The following TBC1D12 variants were observed in gnomAD, a reference collection of about 807,000 sequenced individuals.
TBC1D12 encodes the protein TBC1 domain family member 12.
A neutral mutation model predicts 86.7 loss-of-function variants in TBC1D12; 56 were observed. The ratio of observed to expected loss-of-function variants is 0.65; its 90% CI spans 0.52 to 0.81. The LOEUF (loss-of-function observed/expected upper bound fraction) is 0.81, where lower values mean the gene tolerates loss of function less well. Among genes scored for constraint, TBC1D12 ranks in the 30% least tolerant of loss-of-function variants. TBC1D12 has a pLI of 0.00. For synonymous variants in TBC1D12, 421 were observed against 411.7 expected (o/e 1.02, Z -0.27); for missense variants, 1,023 against 1,038.8 (o/e 0.98, Z 0.21).
chr10:94,522,742 C>T (rs1393450913), intron 11 of TBC1D12, among the ~76,000 whole-genome samples: 1 of 151,942 alleles, frequency 6.6e-6, no homozygotes, highest in African/African-American at 2.4e-5. Flanking sequence ...GGCGAAACCC[C>T]GTCTCTACTA....
At chr10:94,530,673 A>G (rs896084908) in intron 11 of TBC1D12, among the ~76,000 whole-genome samples, 1 of 152,106 alleles carries the variant, frequency 6.6e-6, no homozygotes, top group Non-Finnish European at 1.5e-5. Context: ...AACACAACTA[A>G]TAAGTGGCAA....
chr10:94,453,339 C>G lies in TBC1D12; in HGVS notation c.1095+11320C>G, dbSNP rs145074803. ...TTGGTTATCCATGGTCAGCTGCAGTCTGAAAATATTAAAATAAAAATAAAA... is the reference window on the plus strand; with the variant it reads ...TTGGTTATCCATGGTCAGCTGCAGTGTGAAAATATTAAAATAAAAATAAAA... On this transcript the variant is annotated intron_variant, in intron 2 of 12. Transcript: ENST00000225235. Among the ~76,000 whole-genome samples, 127 of 151,912 alleles carry G rather than the reference C, an allele frequency of 8.4e-4. 1 individual carries two copies. The East Asian group carries it at 0.024, about 28-fold the overall frequency.
At chr10:94,497,211 C>A in intron 5 of TBC1D12, 39 bp downstream of exon 5, 2 of 1,199,188 alleles carry the variant, frequency 1.7e-6, no homozygotes, top group Non-Finnish European at 2.3e-6. Context: ...CATTTGTCTC[C>A]GAAGATCTCA....
chr10:94,423,979 G>A (rs2055113930), intron 1 of TBC1D12, among the ~76,000 whole-genome samples: 1 of 152,108 alleles, frequency 6.6e-6, no homozygotes, highest in Non-Finnish European at 1.5e-5. Flanking sequence ...TACTGAACAT[G>A]AACAGACTTT....
chr10:94,478,399 C>T (rs1330501711), intron 3 of TBC1D12, among the ~76,000 whole-genome samples: 2 of 151,996 alleles, frequency 1.3e-5, no homozygotes, highest in African/African-American at 2.4e-5. Flanking sequence ...ATCTTAAAGG[C>T]GGGATTTGTA....
In TBC1D12 at chr10:94,500,147, G is replaced by A. The variant is rs2056375561; in HGVS notation, c.1413-74G>A. On this transcript the variant is annotated intron_variant, in intron 5 of 12. Transcript: ENST00000225235. ...TTTGATCACTTGGCCATAGACTAAA[G>A]ATAATCCATCATGCAACTAGTATTT... 3 of 1,343,152 alleles carry A rather than the reference G, an allele frequency of 2.2e-6. No homozygotes were observed. The East Asian group carries it at 7.2e-5, about 32-fold the overall frequency. 83.2% of individuals were successfully genotyped at this position (1,343,152 alleles called of 1,614,324 possible). A position where few individuals can be genotyped will look rare whatever the true frequency, so the allele number is the denominator to read the frequency against.
intron 2 of TBC1D12, among the ~76,000 whole-genome samples, chr10:94,457,361 C>G (rs937321616): frequency 3.9e-5 from 6 of 152,064 alleles, no homozygotes; most frequent in African/African-American, 1.2e-4. Flanking sequence ...CAACACATGG[C>G]TGGGTCTTCT....
chr10:94,476,427 G>T (rs1173940698), intron 3 of TBC1D12, among the ~76,000 whole-genome samples: 1 of 152,054 alleles, frequency 6.6e-6, no homozygotes, highest in Admixed American at 6.6e-5. Context: ...TAGAAACTTA[G>T]TTATGAGAAC....
intron 2 of TBC1D12, among the ~76,000 whole-genome samples, chr10:94,471,091 C>G (rs532492641): frequency 1.1e-3 from 174 of 151,994 alleles, no homozygotes; most frequent in Non-Finnish European, 2.2e-3. Context: ...GCCTGGCCAG[C>G]ATGGTGAAAC....
chr10:94,472,041 A>G (rs1416163718), intron 2 of TBC1D12, among the ~76,000 whole-genome samples: 5 of 152,112 alleles, frequency 3.3e-5, no homozygotes, highest in Non-Finnish European at 1.5e-5. Flanking sequence ...TGGATTGGGG[A>G]TTCAGGCATT....
At chr10:94,474,079 G>A (rs2055950900) in intron 2 of TBC1D12, among the ~76,000 whole-genome samples, 1 of 152,024 alleles carries the variant, frequency 6.6e-6, no homozygotes, top group African/African-American at 2.4e-5. Context: ...ACCCTTGAGA[G>A]GGATCTTCAG....
intron 3 of TBC1D12, among the ~76,000 whole-genome samples, chr10:94,488,340 A>T: frequency 7.3e-6 from 1 of 136,252 alleles, no homozygotes; most frequent in Admixed American, 7.3e-5. Flanking sequence ...GTGAGCTGAG[A>T]TTGCACCACT....
At chr10:94,430,645 A>T (rs2055203777) in intron 1 of TBC1D12, among the ~76,000 whole-genome samples, 1 of 152,192 alleles carries the variant, frequency 6.6e-6, no homozygotes, top group African/African-American at 2.4e-5. Context: ...ATACAAGCAC[A>T]CAGATATGTG....
intron 1 of TBC1D12, among the ~76,000 whole-genome samples, chr10:94,423,342 CTT>C (rs71486719): frequency 2.8e-4 from 26 of 94,200 alleles, no homozygotes; most frequent in African/African-American, 9.7e-4. Flanking sequence ...CATTCACCAT[CTT>C]TTTTTTTTTT....
At chr10:94,404,597 G>C (rs1434962518) in intron 1 of TBC1D12, among the ~76,000 whole-genome samples, 4 of 150,322 alleles carry the variant, frequency 2.7e-5, no homozygotes, top group Non-Finnish European at 5.9e-5. Flanking sequence ...AGTGAACCTA[G>C]ATCGTGCCAT....
At chr10:94,440,752 T>C (rs1003206285) in intron 1 of TBC1D12, among the ~76,000 whole-genome samples, 1 of 152,208 alleles carries the variant, frequency 6.6e-6, no homozygotes, top group African/African-American at 2.4e-5. Context: ...AATTGGTTCA[T>C]TGGGCCCTGG....
intron 3 of TBC1D12, among the ~76,000 whole-genome samples, chr10:94,483,128 C>T (rs1257826021): frequency 6.6e-6 from 1 of 151,578 alleles, no homozygotes; most frequent in African/African-American, 2.4e-5. Context: ...CAGCCTCCAC[C>T]TCCCTTGAAC....
At chr10:94,532,268 C>T (rs1462854753) in intron 12 of TBC1D12, among the ~76,000 whole-genome samples, 1 of 152,140 alleles carries the variant, frequency 6.6e-6, no homozygotes, top group Non-Finnish European at 1.5e-5. Context: ...ACCACCGTCT[C>T]CCGGGTTCAA....
Position 94,444,264 on chromosome 10 carries a change from A to T in TBC1D12, c.1095+2245A>T, listed in dbSNP as rs554512827. Among the ~76,000 whole-genome samples the T allele has an allele frequency of 3.3e-5, 5 of 151,206 alleles. No individual in the cohort carries two copies. The South Asian group carries it at 8.3e-4, about 25-fold the overall frequency. ...TAGCAGTTACTAAGTGTTAGGAAAT[A>T]TATCCTTATTAAATTGTTTGGACAT... On this transcript the variant is annotated intron_variant, in intron 2 of 12. Transcript: ENST00000225235.
Sources: allele counts gnomAD v4.1 joint callset (sites outside exome capture counted in the v4.1 genomes callset), GRCh38; gene constraint gnomAD v4.1.1; transcripts MANE v1.5; gene names NCBI Gene and HGNC (gene_info 2026-07-23, HGNC 2026-07-21).